Variants in ATP8A2 observed in about 807,000 individuals in gnomAD.
ATP8A2 encodes phospholipid-transporting ATPase IB.
ATP8A2 carries 100 observed loss-of-function variants against 165.6 expected under a neutral mutation model. The observed-to-expected ratio is 0.60, with a 90% CI of 0.51 to 0.71. The LOEUF (loss-of-function observed/expected upper bound fraction) is 0.71. ATP8A2 is among the 30% of genes least tolerant of loss of function. ATP8A2 has a pLI of 0.00. For synonymous variants in ATP8A2, 543 were observed against 548.8 expected (o/e 0.99, Z 0.15); for missense variants, 1,227 against 1,479.5 (o/e 0.83, Z 2.80).
intron 33 of ATP8A2, among the ~76,000 whole-genome samples, chr13:25,923,213 C>G (rs539890188): frequency 6.6e-6 from 1 of 152,292 alleles, no homozygotes; most frequent in South Asian, 2.1e-4. Context: ...CCCAGATCCA[C>G]CAGTGTAGCC....
At chr13:25,611,420 T>A (rs1487484999) in intron 24 of ATP8A2, among the ~76,000 whole-genome samples, 2 of 152,190 alleles carry the variant, frequency 1.3e-5, no homozygotes, top group Non-Finnish European at 2.9e-5. Flanking sequence ...TTTTTGTTTT[T>A]AATTCTGTTT....
intron 35 of ATP8A2, among the ~76,000 whole-genome samples, chr13:25,978,298 T>G (rs1046400635): frequency 3.3e-5 from 5 of 152,342 alleles, no homozygotes; most frequent in African/African-American, 7.2e-5. Flanking sequence ...GGGATCTCTT[T>G]GCTAATCGCT....
At chr13:25,913,665 G>A (rs773683138) in intron 33 of ATP8A2, among the ~76,000 whole-genome samples, 2 of 152,116 alleles carry the variant, frequency 1.3e-5, no homozygotes, top group African/African-American at 4.8e-5. Context: ...GCTTGATCTG[G>A]CGAATAAGTT....
chr13:25,424,920 T>G (rs2034401812), intron 1 of ATP8A2, among the ~76,000 whole-genome samples: 2 of 152,162 alleles, frequency 1.3e-5, no homozygotes, highest in South Asian at 4.1e-4. Flanking sequence ...ATTACACCAT[T>G]ACACTCCAGC....
chr13:25,414,005 T>C (rs931426924), intron 1 of ATP8A2, among the ~76,000 whole-genome samples: 5 of 151,958 alleles, frequency 3.3e-5, no homozygotes, highest in Non-Finnish European at 7.4e-5. Context: ...GTATCGGCCA[T>C]GTGGGGTGAT....
chr13:25,618,471 C>T (rs61947476), intron 24 of ATP8A2, among the ~76,000 whole-genome samples: 5,797 of 152,124 alleles, frequency 0.038, 131 homozygotes, highest in Non-Finnish European at 0.052. Flanking sequence ...TGGGAGGCAG[C>T]ACACAATAGC....
intron 19 of ATP8A2, 23 bp from the exon 20 acceptor site, chr13:25,577,046 C>CT (rs746644306): frequency 0.043 from 48,737 of 1,128,908 alleles, 108 homozygotes; most frequent in Non-Finnish European, 0.046. Context: ...CCAATGATGA[C>CT]TTTTTTTTTT....
intron 13 of ATP8A2, among the ~76,000 whole-genome samples, chr13:25,557,907 A>T (rs745645758): frequency 0.01 from 1,534 of 146,584 alleles, 12 homozygotes; most frequent in Non-Finnish European, 0.017. Flanking sequence ...TTCATTAAAA[A>T]TTTTTTTTTT....
At chr13:25,964,667 A>G (rs770819550) in intron 34 of ATP8A2, among the ~76,000 whole-genome samples, 1 of 152,166 alleles carries the variant, frequency 6.6e-6, no homozygotes, top group Non-Finnish European at 1.5e-5. Context: ...GATATCTGTG[A>G]TGCACCTTGG....
intron 33 of ATP8A2, chr13:25,871,327 AT>A (rs1458422867): frequency 9.0e-6 from 2 of 221,312 alleles, no homozygotes; most frequent in Non-Finnish European, 1.9e-5. Flanking sequence ...GGCCACTCTT[AT>A]TAAGAGTCTG....
rs556034437 is a variant in ATP8A2, at chr13:25,950,248, ACCTG to A, written c.3184-11326_3184-11323del. ...ACCTGTGGAGAATGGCCTAGGAACCACCTGTCTTTACATCCAGATAACAGCTTCA... is the reference window on the plus strand; with the variant it reads ...ACCTGTGGAGAATGGCCTAGGAACCATCTTTACATCCAGATAACAGCTTCA... On this transcript the variant is annotated intron_variant, in intron 33 of 36. Coordinates refer to ENST00000381655, the MANE Select transcript of ATP8A2 (RefSeq NM_016529.6). Among the ~76,000 whole-genome samples the A allele has an allele frequency of 1.5e-3, 228 of 152,308 alleles. 1 individual carries two copies. The highest frequency in any genetic ancestry group is 4.5e-3 in the African/African-American group (186 of 41,556).
intron 33 of ATP8A2, among the ~76,000 whole-genome samples, chr13:25,889,023 A>G (rs1468330677): frequency 3.3e-5 from 5 of 152,080 alleles, no homozygotes; most frequent in African/African-American, 1.2e-4. Context: ...GTCAACGACT[A>G]TGCCAAGAAG....
chr13:25,641,829 C>T (rs1459264760), intron 24 of ATP8A2, among the ~76,000 whole-genome samples: 2 of 112,682 alleles, frequency 1.8e-5, no homozygotes, highest in South Asian at 3.5e-4. Context: ...AAGCTGGAGG[C>T]GTCACGCTAC....
intron 24 of ATP8A2, among the ~76,000 whole-genome samples, chr13:25,698,377 A>G (rs998736670): frequency 2.0e-5 from 3 of 152,052 alleles, no homozygotes; most frequent in African/African-American, 7.2e-5. Context: ...TGCAGCAGAC[A>G]CACACCACCA....
intron 24 of ATP8A2, among the ~76,000 whole-genome samples, chr13:25,638,220 G>A (rs1442463549): frequency 6.6e-6 from 1 of 152,216 alleles, no homozygotes; most frequent in Admixed American, 6.5e-5. Flanking sequence ...CCAAAGGAAC[G>A]CAGCTCCTCG....
intron 24 of ATP8A2, among the ~76,000 whole-genome samples, chr13:25,695,855 T>C (rs541104849): frequency 1.2e-4 from 18 of 152,344 alleles, no homozygotes; most frequent in African/African-American, 4.1e-4. Context: ...CAAACTCCTC[T>C]TCATGTTGAT....
chr13:25,903,267 T>A (rs1953821176), intron 33 of ATP8A2, among the ~76,000 whole-genome samples: 1 of 152,142 alleles, frequency 6.6e-6, no homozygotes, highest in Non-Finnish European at 1.5e-5. Flanking sequence ...AGCCCCCAGA[T>A]ATGGCTGCTT....
chr13:25,843,535 C>A lies in ATP8A2; in HGVS notation c.2956+3911C>A, dbSNP rs115941232. ...AAGGACCCTAGAGAGCTCATTTGCC[C>A]CTTCCACTATGTGGGAATATAGCTA... On this transcript the variant is annotated intron_variant, in intron 30 of 36. Coordinates refer to ENST00000381655, the MANE Select transcript of ATP8A2 (RefSeq NM_016529.6). 7.2e-3 allele frequency among the ~76,000 whole-genome samples: 1,096 copies of A among 152,164 alleles called. 17 individuals carry two copies. The highest frequency in any genetic ancestry group is 0.025 in the African/African-American group (1,030 of 41,508).
intron 33 of ATP8A2, among the ~76,000 whole-genome samples, chr13:25,900,636 T>A (rs1953713800): frequency 2.0e-5 from 3 of 152,220 alleles, no homozygotes; most frequent in African/African-American, 7.2e-5. Flanking sequence ...TTCAACCTTA[T>A]GTCTGATGTG....
Sources: allele counts gnomAD v4.1 joint callset (sites outside exome capture counted in the v4.1 genomes callset), GRCh38; gene constraint gnomAD v4.1.1; transcripts MANE v1.5; gene names NCBI Gene and HGNC (gene_info 2026-07-23, HGNC 2026-07-21).